Variants in ZCCHC4 observed in about 807,000 individuals in gnomAD.
ZCCHC4 encodes zinc finger CCHC-type containing 4.
A neutral mutation model predicts 67.7 loss-of-function variants in ZCCHC4; 54 were observed. The observed-to-expected ratio is 0.80, with a 90% CI of 0.64 to 1.00. The LOEUF (loss-of-function observed/expected upper bound fraction) is 1.00, where lower values mean the gene tolerates loss of function less well. Among genes scored for constraint, ZCCHC4 ranks in the 50% least tolerant of loss-of-function variants. The pLI, the probability that ZCCHC4 is intolerant of heterozygous loss-of-function variation, is 0.00. For missense variants in ZCCHC4, 609 were observed against 617.0 expected, an observed-to-expected ratio of 0.99 and a Z score of 0.14; for synonymous variants, 198 against 213.5, an observed-to-expected ratio of 0.93 and a Z score of 0.63.
intron 5 of ZCCHC4, among the ~76,000 whole-genome samples, chr4:25,335,932 C>T (rs1719436406): frequency 6.6e-6 from 1 of 152,274 alleles, no homozygotes; most frequent in Middle Eastern, 3.4e-3. Context: ...ACAGCACTAG[C>T]ACACTTTACT....
At chr4:25,348,981 T>C (rs1396227686) in intron 6 of ZCCHC4, among the ~76,000 whole-genome samples, 1 of 152,196 alleles carries the variant, frequency 6.6e-6, no homozygotes, top group East Asian at 1.9e-4. Flanking sequence ...TTACTTACAG[T>C]GCATGTTCAA....
chr4:25,349,519 T>C lies in ZCCHC4; in HGVS notation c.787T>C (p.Leu263=), dbSNP rs770398996. The change falls in exon 7 of 13, where the codon TTA becomes CTA. Residue 263 remains leucine (L), a synonymous_variant. Transcript: ENST00000302874. Reference sequence around the variant, plus strand: ...TGCCCTTGAAGTATGCAGAGCATTTTTACAGGAAGATAAAGGCGAAGGAAT... The same window carrying C: ...TGCCCTTGAAGTATGCAGAGCATTTCTACAGGAAGATAAAGGCGAAGGAAT... The part of the protein sequence containing the change: ...KTALEVCRAF[L]QEDKGEGIIM... 4.3e-6 allele frequency: 7 copies of C among 1,613,968 alleles called. No homozygotes were observed. The highest frequency in any genetic ancestry group is 1.7e-5 in the Admixed American group (1 of 60,000).
At chr4:25,358,753 A>G (rs1720609732) in intron 8 of ZCCHC4, among the ~76,000 whole-genome samples, 2 of 152,212 alleles carry the variant, frequency 1.3e-5, no homozygotes, top group South Asian at 2.1e-4. Context: ...CCGCAGGTGC[A>G]TTAGGTGATC....
At chr4:25,321,637 T>G (rs1036095162) in intron 3 of ZCCHC4, among the ~76,000 whole-genome samples, 1 of 152,036 alleles carries the variant, frequency 6.6e-6, no homozygotes, top group Non-Finnish European at 1.5e-5. Flanking sequence ...CCTCCCAAAG[T>G]GCTGGGATTA....
chr4:25,340,309 A>G (rs889691096), intron 5 of ZCCHC4, among the ~76,000 whole-genome samples: 3 of 152,148 alleles, frequency 2.0e-5, no homozygotes, highest in African/African-American at 7.2e-5. Context: ...AAGGACCACA[A>G]ATATATAGGT....
chr4:25,324,014 G>GTTGGTTTT lies in ZCCHC4; in HGVS notation c.329+8616_329+8617insGGTTTTTT, dbSNP rs1553895903. 3.6e-5 allele frequency among the ~76,000 whole-genome samples: 3 copies of GTTGGTTTT among 82,430 alleles called. 1 individual carries two copies. The highest frequency in any genetic ancestry group is 1.6e-4 in the African/African-American group (3 of 19,174). 54.1% of individuals were successfully genotyped at this position (82,430 alleles called of 152,430 possible). A position where few individuals can be genotyped will look rare whatever the true frequency, so the allele number is the denominator to read the frequency against. ...TCGTACAGTATGTACTGTTTTTTGTGTTTTTTTTTTTTTTTTGAGACAGAG... is the reference window on the plus strand; with the variant it reads ...TCGTACAGTATGTACTGTTTTTTGTGTTGGTTTTTTTTTTTTTTTTTTTTGAGACAGAG... On this transcript the variant is annotated intron_variant, in intron 3 of 12. Transcript: ENST00000302874.
At position 25,359,870 on chromosome 4, in the gene ZCCHC4, C is replaced by T. The variant is rs1720656049; in HGVS notation, c.1012-1989C>T. ...TGAGGGAACTGGCCGAGGTTTCCCTCCCGAGGAGGCCACATGTGAAATTAG... is the reference window on the plus strand; with the variant it reads ...TGAGGGAACTGGCCGAGGTTTCCCTTCCGAGGAGGCCACATGTGAAATTAG... On this transcript the variant is annotated intron_variant, in intron 8 of 12. Transcript: ENST00000302874. The surrounding 1 kb of genome is among the most constrained non-coding windows in gnomAD (Gnocchi z 4.9). Among the ~76,000 whole-genome samples the T allele has an allele frequency of 6.6e-6, 1 of 152,218 alleles. No individual in the cohort carries two copies. The highest frequency in any genetic ancestry group is 2.4e-5 in the African/African-American group (1 of 41,450).
chr4:25,340,801 C>T (rs561646725), intron 5 of ZCCHC4, among the ~76,000 whole-genome samples: 8 of 152,008 alleles, frequency 5.3e-5, no homozygotes, highest in Non-Finnish European at 7.4e-5. Context: ...TAATAGTACT[C>T]TGATTTACTT....
intron 3 of ZCCHC4, among the ~76,000 whole-genome samples, chr4:25,330,908 C>T (rs1332853749): frequency 2.0e-5 from 3 of 152,076 alleles, no homozygotes; most frequent in East Asian, 1.9e-4. Context: ...AGTACTCAGC[C>T]GAAGACTCGA....
intron 8 of ZCCHC4, among the ~76,000 whole-genome samples, chr4:25,354,382 A>C (rs1025344136): frequency 6.6e-6 from 1 of 152,232 alleles, no homozygotes; most frequent in African/African-American, 2.4e-5. Context: ...CAGGCTAAAA[A>C]GCAGTCTTCT....
Position 25,316,302 on chromosome 4 carries a change from T to TA in ZCCHC4, c.329+903dup, listed in dbSNP as rs562140631. On this transcript the variant is annotated intron_variant, in intron 3 of 12. Coordinates refer to ENST00000302874, the MANE Select transcript of ZCCHC4 (RefSeq NM_024936.3). The stretch of plus-strand genomic sequence containing the variant: ...ACAGTGAACATTGATATACAAATAT[T>TA]AGTTTGAGACCCTGTCTTCAATTCT... Among the ~76,000 whole-genome samples the TA allele has an allele frequency of 2.6e-5, 4 of 152,350 alleles. No homozygotes were observed. The East Asian group carries it at 7.7e-4, about 29-fold the overall frequency.
intron 4 of ZCCHC4, 84 bp downstream of exon 4, chr4:25,333,542 G>C: frequency 7.1e-7 from 1 of 1,414,100 alleles, no homozygotes; most frequent in South Asian, 1.3e-5. Flanking sequence ...TACTTACTCT[G>C]TGCAAGGTAT....
intron 10 of ZCCHC4, among the ~76,000 whole-genome samples, chr4:25,364,167 T>C (rs1377767586): frequency 6.6e-6 from 1 of 152,212 alleles, no homozygotes; most frequent in Non-Finnish European, 1.5e-5. Context: ...TGAGTCCTTC[T>C]TTGTGCAGAT....
At chr4:25,323,597 G>C (rs2109054013) in intron 3 of ZCCHC4, among the ~76,000 whole-genome samples, 1 of 152,296 alleles carries the variant, frequency 6.6e-6, no homozygotes, top group South Asian at 2.1e-4. Flanking sequence ...ACTGTAGGGG[G>C]AAGGAGGCAA....
intron 3 of ZCCHC4, among the ~76,000 whole-genome samples, chr4:25,330,078 G>A (rs1355405826): frequency 2.6e-5 from 4 of 151,966 alleles, no homozygotes; most frequent in African/African-American, 7.2e-5. Context: ...AGTAGCCTCC[G>A]TCCCTGTGTT....
chr4:25,323,407 G>GTT (rs11380168), intron 3 of ZCCHC4, among the ~76,000 whole-genome samples: 23 of 150,538 alleles, frequency 1.5e-4, no homozygotes, highest in East Asian at 5.9e-4. Context: ...GTTCTGTTGT[G>GTT]TTTTTTTTTC....
chr4:25,345,531 C>T lies in ZCCHC4; in HGVS notation c.687-17C>T. 1 of 1,359,442 alleles carries T rather than the reference C, an allele frequency of 7.4e-7. No homozygotes were observed. The highest frequency in any genetic ancestry group is 1.0e-6 in the Non-Finnish European group (1 of 955,022). The allele number at this position is 1,359,442 out of a possible 1,614,324, so 84.2% of individuals were successfully genotyped here. ...TATAGCTGTGACTGGGCAAATAACT[C>T]TGTAATTATTTTACAGGTATTCACA... On this transcript the variant is annotated splice_polypyrimidine_tract_variant and intron_variant, in intron 5 of 12. Transcript: ENST00000302874.
intron 5 of ZCCHC4, among the ~76,000 whole-genome samples, chr4:25,338,575 C>T (rs1719581602): frequency 6.6e-6 from 1 of 152,172 alleles, no homozygotes; most frequent in Admixed American, 6.5e-5. Flanking sequence ...CCTTTGACAA[C>T]CATGAATCTA....
chr4:25,314,353 A>G (rs1444517784), intron 2 of ZCCHC4, among the ~76,000 whole-genome samples, 189 bp downstream of exon 2: 1 of 152,224 alleles, frequency 6.6e-6, no homozygotes, highest in Admixed American at 6.5e-5. Flanking sequence ...ATCTTAAACT[A>G]CTGTCTCAAA....
Sources: gnomAD v4.1 joint callset for allele counts (sites outside exome capture counted in the v4.1 genomes callset) on GRCh38, gnomAD v4.1.1 for gene constraint, Gnocchi (gnomAD v3.1) non-coding constraint, MANE v1.5 for transcripts, NCBI Gene and HGNC (gene_info 2026-07-23, HGNC 2026-07-21) for gene names.